The following TF variants were observed in gnomAD, a reference collection of about 807,000 sequenced individuals.
TF encodes transferrin, also known as serotransferrin.
Under a neutral mutation model 82.4 loss-of-function variants are expected in TF, and 55 were observed. That is an observed-to-expected ratio of 0.67 (90% CI 0.54 to 0.84). The LOEUF (loss-of-function observed/expected upper bound fraction) is 0.84. TF is among the 40% of genes least tolerant of loss of function. The probability of loss-of-function intolerance (pLI) is 0.00; values close to 1 mark genes in which losing one functional copy is unlikely to be tolerated. For missense variants in TF, 737 were observed against 868.4 expected, an observed-to-expected ratio of 0.85 and a Z score of 1.90; for synonymous variants, 332 against 332.6, an observed-to-expected ratio of 1.00 and a Z score of 0.02.
chr3:133,771,140 G>A (rs1270511190), intron 14 of TF, among the ~76,000 whole-genome samples: 1 of 152,184 alleles, frequency 6.6e-6, no homozygotes, highest in African/African-American at 2.4e-5. Context: ...CTTCAGGGCT[G>A]GGGCAGGAAA....
chr3:133,710,633 C>G, the TF span, among the ~76,000 whole-genome samples: 12 of 152,282 alleles, frequency 7.9e-5, no homozygotes, highest in Admixed American at 7.8e-4. Flanking sequence ...CTCCCCACCT[C>G]CTCCCTCCGC....
At chr3:133,775,129 T>A (rs1934353791) in intron 14 of TF, 2 of 440,646 alleles carry the variant, frequency 4.5e-6, no homozygotes, top group Admixed American at 6.9e-5. Flanking sequence ...ACAGAAGGAA[T>A]TGGAATTTAG....
Position 133,784,471 on chromosome 3 carries a change from A to AATAATAATAAT in TF, c.*5852_*5853insTAATAATAATA, listed in dbSNP as rs1553741976. On this transcript the variant is annotated 3_prime_UTR_variant, in exon 17 of 17. Coordinates refer to ENST00000402696, the MANE Select transcript of TF (RefSeq NM_001063.4). ...TCTTGTAAATTCCCATTTGTTAAAA[A>AATAATAATAAT]AATAATAATAATAATAATAATAATA... 4 of 105,602 alleles carry AATAATAATAAT rather than the reference A, an allele frequency of 3.8e-5. No homozygotes were observed. The highest frequency in any genetic ancestry group is 8.1e-5 in the Non-Finnish European group (4 of 49,402). The allele number at this position is 105,602 out of a possible 1,614,324, so 6.5% of individuals were successfully genotyped here. A position where few individuals can be genotyped will look rare whatever the true frequency, so the allele number is the denominator to read the frequency against.
In TF at chr3:133,796,268, A is replaced by G. The variant is rs532907491; in HGVS notation, c.*17648A>G. The G allele has an allele frequency of 6.5e-6, 1 of 152,722 alleles. No homozygotes were observed. The highest frequency in any genetic ancestry group is 1.5e-5 in the Non-Finnish European group (1 of 68,078). 9.5% of individuals were successfully genotyped at this position (152,722 alleles called of 1,614,324 possible). ...AGGACTTCTGTGATCCTCAATAGGT[A>G]GGGACTAGGCCTCAAGCCAACATGA... On this transcript the variant is annotated 3_prime_UTR_variant, in exon 17 of 17. Coordinates refer to ENST00000402696, the MANE Select transcript of TF (RefSeq NM_001063.4).
chr3:133,678,223 G>A, the TF span, among the ~76,000 whole-genome samples: 4 of 152,180 alleles, frequency 2.6e-5, no homozygotes, highest in Non-Finnish European at 5.9e-5. Context: ...GTATTCCATG[G>A]TATATATGTG....
chr3:133,750,810 C>T (rs1576355464), intron 2 of TF, among the ~76,000 whole-genome samples: 1 of 152,038 alleles, frequency 6.6e-6, no homozygotes, highest in South Asian at 2.1e-4. Context: ...ACTTTAAGTT[C>T]TAGGGTACAA....
At chr3:133,750,198 T>C (rs1171705866) in intron 2 of TF, among the ~76,000 whole-genome samples, 1 of 152,158 alleles carries the variant, frequency 6.6e-6, no homozygotes, top group Non-Finnish European at 1.5e-5. Context: ...AAGAAACAGG[T>C]ACATTTTCCT....
At position 133,748,600 on chromosome 3, in the gene TF, C is replaced by A; in HGVS notation, c.216+16C>A. 6.2e-7 allele frequency: 1 copy of A among 1,613,858 alleles called. No homozygotes were observed. Among genetic ancestry groups the A allele is most frequent in the Non-Finnish European group, 8.5e-7 (1 of 1,179,922 alleles). On this transcript the variant is annotated intron_variant, in intron 2 of 16. Transcript: ENST00000402696. ...GGCCATTGCGGTAAGTCGCTGCTGC[C>A]TAAAAGAGAGTGGAAGAAAGCCATA...
At chr3:133,663,351 A>T in the TF span, among the ~76,000 whole-genome samples, 6 of 128,018 alleles carry the variant, frequency 4.7e-5, no homozygotes, top group African/African-American at 8.9e-5. Context: ...AATATCATTA[A>T]TTTTTTTTTT....
In TF at chr3:133,786,820, G is replaced by A. The variant is rs1044626229; in HGVS notation, c.*8200G>A. ...CAAGACTTCTGTGCATATAGTGGAC[G>A]AATTAACTTCTTACCTGAAACATCT... On this transcript the variant is annotated 3_prime_UTR_variant, in exon 17 of 17. Transcript: ENST00000402696. The A allele has an allele frequency of 1.3e-5, 2 of 152,202 alleles. No individual in the cohort carries two copies. The highest frequency in any genetic ancestry group is 2.9e-5 in the Non-Finnish European group (2 of 68,042). 9.4% of individuals were successfully genotyped at this position (152,202 alleles called of 1,614,324 possible). A position where few individuals can be genotyped will look rare whatever the true frequency, so the allele number is the denominator to read the frequency against.
At chr3:133,742,482 G>C (rs1366280060), upstream of TF, among the ~76,000 whole-genome samples, 1 of 152,082 alleles carries the variant, frequency 6.6e-6, no homozygotes, top group African/African-American at 2.4e-5. Context: ...GAGAGAGTGA[G>C]AGCGAGTGAG....
the TF span, among the ~76,000 whole-genome samples, chr3:133,726,863 G>C: frequency 5.9e-5 from 9 of 151,936 alleles, no homozygotes. Context: ...TTGTGTCTTT[G>C]TTCTCGTTGG....
At chr3:133,741,138 T>C (rs1266793212), upstream of TF, among the ~76,000 whole-genome samples, 4 of 151,748 alleles carry the variant, frequency 2.6e-5, no homozygotes, top group Non-Finnish European at 5.9e-5. Context: ...ACTACAGGTG[T>C]GCACCACCAC....
In TF at chr3:133,770,372, A is replaced by C. The variant is rs992076764; in HGVS notation, c.1623-136A>C. The C allele has an allele frequency of 6.2e-6, 5 of 806,278 alleles. No individual in the cohort carries two copies. In the African/African-American group the frequency reaches 8.5e-5, roughly 14 times the overall value. The allele number at this position is 806,278 out of a possible 1,614,324, so 49.9% of individuals were successfully genotyped here. A position where few individuals can be genotyped will look rare whatever the true frequency, so the allele number is the denominator to read the frequency against. ...TGTTTTTGTTCTCTTTATTCCTTAC[A>C]TTGCTTACTGTTAGAATGGAAGTTA... On this transcript the variant is annotated intron_variant, in intron 13 of 16. Coordinates refer to ENST00000402696, the MANE Select transcript of TF (RefSeq NM_001063.4).
chr3:133,735,711 T>G, the TF span, among the ~76,000 whole-genome samples: 4 of 152,204 alleles, frequency 2.6e-5, no homozygotes, highest in African/African-American at 9.6e-5. Flanking sequence ...TATCAGAGAT[T>G]GAAGATCAAC....
the TF span, among the ~76,000 whole-genome samples, chr3:133,672,526 G>A: frequency 1.3e-5 from 2 of 151,910 alleles, no homozygotes; most frequent in Non-Finnish European, 2.9e-5. Context: ...ATAGCCAAGT[G>A]GGGTTTATTC....
the TF span, among the ~76,000 whole-genome samples, chr3:133,688,755 C>T: frequency 0.19 from 28,786 of 151,928 alleles, 2,942 homozygotes; most frequent in African/African-American, 0.25. Context: ...AGATAGAAAA[C>T]GCATATAAGA....
At chr3:133,771,508 C>T (rs965323741) in intron 14 of TF, among the ~76,000 whole-genome samples, 15 of 151,772 alleles carry the variant, frequency 9.9e-5, no homozygotes, top group Admixed American at 7.9e-4. Flanking sequence ...GAGGCCGAGG[C>T]GGGTGGATCA....
rs1934370418 is a variant in TF at position 133,775,632 on chromosome 3, G to C, written c.1872+15G>C. ...GTCAACAGCAGGTATGGACCAGCCAGGTCCTCCCACCTTTTCTTCCTAGAT... is the reference window on the plus strand; with the variant it reads ...GTCAACAGCAGGTATGGACCAGCCACGTCCTCCCACCTTTTCTTCCTAGAT... On this transcript the variant is annotated intron_variant, in intron 15 of 16. Transcript: ENST00000402696. 1.9e-6 allele frequency: 3 copies of C among 1,613,436 alleles called. No homozygotes were observed. The highest frequency in any genetic ancestry group is 1.3e-5 in the African/African-American group (1 of 75,042).
Sources: gnomAD v4.1 joint callset for allele counts (sites outside exome capture counted in the v4.1 genomes callset) on GRCh38, gnomAD v4.1.1 for gene constraint, MANE v1.5 for transcripts, NCBI Gene and HGNC (gene_info 2026-07-23, HGNC 2026-07-21) for gene names.